The following HDAC8 variants were observed in gnomAD, a reference collection of about 807,000 sequenced individuals.
HDAC8 encodes histone deacetylase-like 1.
HDAC8 carries 1 observed loss-of-function variant against 32.2 expected under a neutral mutation model. The ratio of observed to expected loss-of-function variants is 0.03; its 90% confidence interval spans 0.01 to 0.15. The LOEUF is 0.15. Ranked by LOEUF, HDAC8 falls within the 10% of genes least tolerant of loss-of-function variation. The probability of loss-of-function intolerance (pLI) is 1.00; values close to 1 mark genes in which losing one functional copy is unlikely to be tolerated. For missense variants in HDAC8, 117 were observed against 300.0 expected, an observed-to-expected ratio of 0.39 and a Z score of 4.51; for synonymous variants, 108 against 113.9, an observed-to-expected ratio of 0.95 and a Z score of 0.33.
At chrX:72,539,269 G>A (rs1424525141) in intron 4 of HDAC8, among the ~76,000 whole-genome samples, 1 of 111,302 alleles carries the variant, frequency 9.0e-6, no homozygotes, top group Non-Finnish European at 1.9e-5. Context: ...ATCTCACTCT[G>A]TCACCAGGCT....
At chrX:72,398,497 T>C (rs1381054572) in intron 9 of HDAC8, among the ~76,000 whole-genome samples, 1 of 109,593 alleles carries the variant, frequency 9.1e-6, no homozygotes, top group Non-Finnish European at 1.9e-5. Flanking sequence ...TGATAATTTT[T>C]TTTTTCTTTT....
intron 9 of HDAC8, among the ~76,000 whole-genome samples, chrX:72,453,272 A>G (rs1405991736): frequency 1.8e-5 from 2 of 109,471 alleles, no homozygotes; most frequent in African/African-American, 6.7e-5. Flanking sequence ...CAGCCTGGGC[A>G]ACACAGTGAG....
At chrX:72,504,604 A>C (rs957648760) in intron 4 of HDAC8, among the ~76,000 whole-genome samples, 3 of 111,717 alleles carry the variant, frequency 2.7e-5, no homozygotes, top group Non-Finnish European at 5.6e-5. Context: ...ACGAATGGGT[A>C]ACATTTGTGT....
intron 7 of HDAC8, chrX:72,468,096 G>A (rs2048070440): frequency 8.7e-6 from 9 of 1,035,751 alleles, no homozygotes; most frequent in Middle Eastern, 5.1e-4. Flanking sequence ...AGCAACTGAA[G>A]TAAGGGCAGC....
chrX:72,368,091 A>G (rs1344814845), intron 9 of HDAC8, among the ~76,000 whole-genome samples: 1 of 112,799 alleles, frequency 8.9e-6, no homozygotes, highest in African/African-American at 3.2e-5. Flanking sequence ...ACCAGGTCTG[A>G]CCTTAAATTA....
intron 9 of HDAC8, among the ~76,000 whole-genome samples, chrX:72,418,904 T>C (rs782256706): frequency 1.3e-4 from 15 of 111,421 alleles, no homozygotes; most frequent in Non-Finnish European, 2.6e-4. Flanking sequence ...TCCTTCCCCA[T>C]TGAATGGACT....
intron 4 of HDAC8, among the ~76,000 whole-genome samples, chrX:72,508,187 C>T (rs2147319369): frequency 8.9e-6 from 1 of 112,273 alleles, no homozygotes; most frequent in Non-Finnish European, 1.9e-5. Context: ...TTTCTCTTTA[C>T]ATATTAGCAT....
intron 9 of HDAC8, among the ~76,000 whole-genome samples, chrX:72,419,911 G>A (rs1018561405): frequency 9.9e-5 from 11 of 111,186 alleles, no homozygotes; most frequent in African/African-American, 3.6e-4. Flanking sequence ...TTCATTGATC[G>A]ATTTTATTAC....
At chrX:72,572,000 G>T in intron 2 of HDAC8, 57 bp downstream of exon 2, 2 of 976,588 alleles carry the variant, frequency 2.0e-6, no homozygotes, top group Non-Finnish European at 2.8e-6. Flanking sequence ...CTGTGAAGCA[G>T]GATATTAAGG....
chrX:72,331,499 AGG>A (rs2043522619), intron 10 of HDAC8, among the ~76,000 whole-genome samples: 1 of 111,747 alleles, frequency 8.9e-6, no homozygotes, highest in Admixed American at 9.5e-5. Context: ...CTTTTAAGAT[AGG>A]CTATTTTATT....
chrX:72,543,193 G>C (rs1173689977), intron 4 of HDAC8, among the ~76,000 whole-genome samples: 1 of 111,457 alleles, frequency 9.0e-6, no homozygotes, highest in African/African-American at 3.3e-5. Flanking sequence ...AGACTCTGGA[G>C]TGTTGATGGT....
intron 4 of HDAC8, among the ~76,000 whole-genome samples, chrX:72,504,819 G>A (rs1442004700): frequency 1.8e-5 from 2 of 111,728 alleles, no homozygotes; most frequent in Non-Finnish European, 3.8e-5. Context: ...CTCGCCAGCA[G>A]TGTATAAGGG....
At chrX:72,489,831 A>T (rs1170884456) in intron 6 of HDAC8, among the ~76,000 whole-genome samples, 1 of 111,267 alleles carries the variant, frequency 9.0e-6, no homozygotes, top group Non-Finnish European at 1.9e-5. Context: ...TAGAATGGGA[A>T]AAAATTTTTG....
chrX:72,370,553 G>A (rs1355599945), intron 9 of HDAC8, among the ~76,000 whole-genome samples: 1 of 111,811 alleles, frequency 8.9e-6, no homozygotes. Flanking sequence ...AAGAGATGGG[G>A]TTTCACCATG....
chrX:72,338,693 A>ATC (rs1442277552), intron 10 of HDAC8, among the ~76,000 whole-genome samples: 1 of 100,288 alleles, frequency 1.0e-5, no homozygotes, highest in African/African-American at 3.6e-5. Context: ...ACAAATATAT[A>ATC]TATATATATT....
chrX:72,432,959 C>G (rs1268820683), intron 9 of HDAC8, among the ~76,000 whole-genome samples: 1 of 111,746 alleles, frequency 8.9e-6, no homozygotes, highest in Non-Finnish European at 1.9e-5. Flanking sequence ...TTTTAGGTAA[C>G]AACAATTTAC....
intron 4 of HDAC8, among the ~76,000 whole-genome samples, chrX:72,500,509 C>G (rs1216798007): frequency 8.9e-6 from 1 of 111,926 alleles, no homozygotes; most frequent in Non-Finnish European, 1.9e-5. Flanking sequence ...ATCACATAAA[C>G]AGAACTAAAG....
At chrX:72,490,467 A>G (rs2048829418) in intron 6 of HDAC8, among the ~76,000 whole-genome samples, 1 of 107,695 alleles carries the variant, frequency 9.3e-6, no homozygotes, top group African/African-American at 3.4e-5. Context: ...CATGGATGAA[A>G]TTGGAAATCA....
At chrX:72,521,580 G>A (rs1168849333) in intron 4 of HDAC8, among the ~76,000 whole-genome samples, 1 of 111,116 alleles carries the variant, frequency 9.0e-6, no homozygotes, top group Non-Finnish European at 1.9e-5. Flanking sequence ...TAAAGGTGCT[G>A]AAAAACTGAT....
Sources: gnomAD v4.1 joint callset for allele counts (sites outside exome capture counted in the v4.1 genomes callset) on GRCh38, gnomAD v4.1.1 for gene constraint, MANE v1.5 for transcripts, NCBI Gene and HGNC (gene_info 2026-07-23, HGNC 2026-07-21) for gene names.